The following MAP2K5 variants were observed in gnomAD, a reference collection of about 807,000 sequenced individuals.
The protein encoded by MAP2K5 is mitogen-activated protein kinase kinase 5, also known as dual specificity mitogen-activated protein kinase kinase 5.
Under a neutral mutation model 83.1 loss-of-function variants are expected in MAP2K5, and 49 were observed. The observed-to-expected ratio is 0.59, with a 90% CI of 0.47 to 0.75. The LOEUF is 0.75. Among genes scored for constraint, MAP2K5 ranks in the 30% least tolerant of loss-of-function variants. MAP2K5 has a pLI of 0.00. For missense variants in MAP2K5, 457 were observed against 557.5 expected (o/e 0.82, Z 1.82); for synonymous variants, 202 against 191.8 (o/e 1.05, Z -0.44).
At chr15:67,762,977 A>G (rs997002879) in intron 19 of MAP2K5, among the ~76,000 whole-genome samples, 2 of 152,154 alleles carry the variant, frequency 1.3e-5, no homozygotes, top group Non-Finnish European at 2.9e-5. Context: ...ATGCCCACAC[A>G]TGTAATTTGT....
chr15:67,807,076 C>G lies in MAP2K5; in HGVS notation c.*326C>G. The stretch of plus-strand genomic sequence containing the variant: ...CTCTATAAAGGGTCAGGCCCGTCAG[C>G]ATCACTGATGGGAATAAAAGTATTA... On this transcript the variant is annotated 3_prime_UTR_variant, in exon 22 of 22. Transcript: ENST00000178640. This position sits in a 1 kb window ranked among gnomAD's most constrained non-coding sequence, Gnocchi z 5.1. The G allele has an allele frequency of 1.3e-6, 1 of 761,788 alleles. No individual in the cohort carries two copies. Among genetic ancestry groups the G allele is most frequent in the Non-Finnish European group, 1.9e-6 (1 of 523,380 alleles). The allele number at this position is 761,788 out of a possible 1,614,324, so 47.2% of individuals were successfully genotyped here.
In MAP2K5 at chr15:67,770,889, T is replaced by A. The variant is rs1269259274; in HGVS notation, c.1196+1226T>A. 2.6e-5 allele frequency among the ~76,000 whole-genome samples: 4 copies of A among 152,306 alleles called. No individual in the cohort carries two copies. The highest frequency in any genetic ancestry group is 7.2e-5 in the African/African-American group (3 of 41,560). The stretch of plus-strand genomic sequence containing the variant: ...AAATTTTTCTCCCCAATTAAAAAAA[T>A]TTTATTAACACTGTTTCTATTTATT... On this transcript the variant is annotated intron_variant, in intron 20 of 21. Transcript: ENST00000178640. The surrounding 1 kb of genome is among the most constrained non-coding windows in gnomAD (Gnocchi z 5.0).
intron 19 of MAP2K5, among the ~76,000 whole-genome samples, chr15:67,754,848 G>C (rs974367629): frequency 3.3e-5 from 5 of 152,200 alleles, no homozygotes; most frequent in Non-Finnish European, 7.3e-5. Flanking sequence ...GTGTTACCCT[G>C]TAGCCAAGGG....
chr15:67,566,113 A>T (rs1047454655), intron 3 of MAP2K5, among the ~76,000 whole-genome samples: 5 of 152,182 alleles, frequency 3.3e-5, no homozygotes, highest in Non-Finnish European at 7.3e-5. Context: ...CATAGGGAAG[A>T]TACTGACAGA....
intron 2 of MAP2K5, among the ~76,000 whole-genome samples, chr15:67,554,563 G>A (rs2084586087): frequency 6.6e-6 from 1 of 152,168 alleles, no homozygotes; most frequent in Non-Finnish European, 1.5e-5. Flanking sequence ...AGATTCTCCA[G>A]TTCTGAGAAA....
At position 67,747,327 on chromosome 15, in the gene MAP2K5, G is replaced by A. The variant is rs114834730; in HGVS notation, c.1075-904G>A. On this transcript the variant is annotated intron_variant, in intron 17 of 21. Transcript: ENST00000178640. This position sits in a 1 kb window ranked among gnomAD's most constrained non-coding sequence, Gnocchi z 4.1. ...TGGAGCCCAGTTATCTCAGAAAACA[G>A]TTGACCCATCAGTATTTGGTTCCTG... Among the ~76,000 whole-genome samples, 2,869 of 152,274 alleles carry A rather than the reference G, an allele frequency of 0.019. 106 individuals carry two copies. Among genetic ancestry groups the A allele is most frequent in the African/African-American group, 0.066 (2,725 of 41,530 alleles).
intron 4 of MAP2K5, among the ~76,000 whole-genome samples, chr15:67,582,048 G>T (rs56950303): frequency 0.15 from 21,576 of 146,806 alleles, 2,013 homozygotes; most frequent in African/African-American, 0.26. Flanking sequence ...TGATTAGGAT[G>T]TAGATGATTT....
intron 17 of MAP2K5, among the ~76,000 whole-genome samples, chr15:67,743,703 G>A (rs1345006114): frequency 1.3e-5 from 2 of 152,188 alleles, no homozygotes; most frequent in Non-Finnish European, 2.9e-5. Context: ...TGGATTGGAG[G>A]TTGTATGTCC....
chr15:67,795,198 T>C (rs1325661555), intron 21 of MAP2K5, among the ~76,000 whole-genome samples: 2 of 152,242 alleles, frequency 1.3e-5, no homozygotes, highest in Non-Finnish European at 2.9e-5. Flanking sequence ...ACTTGTTTTC[T>C]GTTTACCAAT....
chr15:67,660,112 T>C (rs1288139428), intron 12 of MAP2K5, among the ~76,000 whole-genome samples: 1 of 152,112 alleles, frequency 6.6e-6, no homozygotes, highest in African/African-American at 2.4e-5. Context: ...TAAATATGTG[T>C]CCAATTTTTC....
At chr15:67,617,391 G>C (rs1488344967) in intron 8 of MAP2K5, among the ~76,000 whole-genome samples, 1 of 152,166 alleles carries the variant, frequency 6.6e-6, no homozygotes, top group African/African-American at 2.4e-5. Context: ...ATAGAAAATA[G>C]ATGCCTACTT....
At chr15:67,796,139 A>T (rs572389240) in intron 21 of MAP2K5, among the ~76,000 whole-genome samples, 24 of 152,180 alleles carry the variant, frequency 1.6e-4, no homozygotes, top group Non-Finnish European at 2.9e-4. Context: ...AGGCTCTATT[A>T]ATTGATTAAT....
In MAP2K5 at chr15:67,726,080, CA is replaced by C. The variant is rs564068253; in HGVS notation, c.1045-1833del. On this transcript the variant is annotated intron_variant, in intron 16 of 21. Coordinates refer to ENST00000178640, the MANE Select transcript of MAP2K5 (RefSeq NM_145160.3). ...AGTGGAAGAGATTAATGATATCCAT[CA>C]AATGAAATGATGATAGTATACCTAT... 4.6e-3 allele frequency among the ~76,000 whole-genome samples: 700 copies of C among 152,254 alleles called. 5 individuals are homozygous for C. Among genetic ancestry groups the C allele is most frequent in the Middle Eastern group, 0.01 (3 of 294 alleles).
chr15:67,583,020 G>A (rs1302572293), intron 4 of MAP2K5, among the ~76,000 whole-genome samples: 2 of 151,982 alleles, frequency 1.3e-5, no homozygotes, highest in Non-Finnish European at 2.9e-5. Flanking sequence ...ACCATTTTTA[G>A]ATGTCTGCTC....
rs752010485 is a variant in MAP2K5, at chr15:67,572,468, A to G, written c.253-8286A>G. Among the ~76,000 whole-genome samples, 1 of 152,208 alleles carries G rather than the reference A, an allele frequency of 6.6e-6. No homozygotes were observed. The highest frequency in any genetic ancestry group is 1.5e-5 in the Non-Finnish European group (1 of 68,036). On this transcript the variant is annotated intron_variant, in intron 3 of 21. Transcript: ENST00000178640. This position sits in a 1 kb window ranked among gnomAD's most constrained non-coding sequence, Gnocchi z 4.2. ...AAGAAAGAATTCAGAGTGAGTCCACAGTGCAAAGTGAAAGTAAGTTTATTA... is the reference window on the plus strand; with the variant it reads ...AAGAAAGAATTCAGAGTGAGTCCACGGTGCAAAGTGAAAGTAAGTTTATTA...
chr15:67,769,695 A>C lies in MAP2K5; in HGVS notation c.1196+32A>C. On this transcript the variant is annotated intron_variant, in intron 20 of 21. Transcript: ENST00000178640. This position sits in a 1 kb window ranked among gnomAD's most constrained non-coding sequence, Gnocchi z 5.2. ...CCGTTTACAAACATGCCATGCCCTC[A>C]ATGTAAATGATACATGCCATTAACT... 6.2e-7 allele frequency: 1 copy of C among 1,607,076 alleles called. No homozygotes were observed. The highest frequency in any genetic ancestry group is 1.3e-5 in the African/African-American group (1 of 74,868).
intron 11 of MAP2K5, among the ~76,000 whole-genome samples, chr15:67,650,877 T>G (rs2086935752): frequency 6.6e-6 from 1 of 152,218 alleles, no homozygotes; most frequent in South Asian, 2.1e-4. Context: ...CCTCTTCCAT[T>G]TTTTGAAAGA....
Position 67,727,062 on chromosome 15 carries a change from G to C in MAP2K5, c.1045-854G>C, listed in dbSNP as rs530165520. Among the ~76,000 whole-genome samples the C allele has an allele frequency of 8.5e-5, 13 of 152,238 alleles. No homozygotes were observed. In the East Asian group the frequency reaches 2.3e-3, roughly 27 times the overall value. ...AAAAATACAAAAATTAGCTGGGCAT[G>C]ATGGTGTGCGCCTGTAATCCCAGCT... On this transcript the variant is annotated intron_variant, in intron 16 of 21. Coordinates refer to ENST00000178640, the MANE Select transcript of MAP2K5 (RefSeq NM_145160.3).
At chr15:67,595,034 G>GT (rs1246105388) in intron 7 of MAP2K5, among the ~76,000 whole-genome samples, 2 of 152,076 alleles carry the variant, frequency 1.3e-5, no homozygotes, top group African/African-American at 4.8e-5. Flanking sequence ...CTTGAGCATA[G>GT]TTTTTTATTT....
Sources: allele counts gnomAD v4.1 joint callset (sites outside exome capture counted in the v4.1 genomes callset), GRCh38; gene constraint gnomAD v4.1.1; non-coding constraint Gnocchi (gnomAD v3.1); transcripts MANE v1.5; gene names NCBI Gene and HGNC (gene_info 2026-07-23, HGNC 2026-07-21).